Variants in DNAH2 observed in about 807,000 individuals in gnomAD.
DNAH2 encodes the protein axonemal beta dynein heavy chain 2.
In DNAH2, 323 loss-of-function variants were observed where a neutral mutation model predicts 523.5. That is an observed-to-expected ratio of 0.62 (90% confidence interval 0.56 to 0.68). DNAH2 has a LOEUF of 0.68. Ranked by LOEUF, DNAH2 falls within the 30% of genes least tolerant of loss-of-function variation. DNAH2 has a pLI of 0.00. For synonymous variants in DNAH2, 2,093 were observed against 2,177.4 expected (o/e 0.96, Z 1.08); for missense variants, 4,907 against 5,701.5 (o/e 0.86, Z 4.49).
intron 6 of DNAH2, 67 bp downstream of exon 6, chr17:7,734,360 G>A (rs1231833151): frequency 3.7e-6 from 6 of 1,601,624 alleles, no homozygotes; most frequent in African/African-American, 1.3e-5. Context: ...AGGCTCGGAT[G>A]CTGACAATGG....
At chr17:7,779,097 C>A in intron 35 of DNAH2, 146 bp from the exon 36 acceptor site, 1 of 841,812 alleles carries the variant, frequency 1.2e-6, no homozygotes, top group Non-Finnish European at 1.8e-6. Context: ...GAAGCTACAA[C>A]AGTGTACTCT....
At chr17:7,816,841 G>A in intron 64 of DNAH2, 106 bp downstream of exon 64, 2 of 1,419,456 alleles carry the variant, frequency 1.4e-6, no homozygotes, top group Non-Finnish European at 9.5e-7. Flanking sequence ...GGACACCTGG[G>A]TATAGGGAAC....
rs894562866 is a variant in DNAH2 at position 7,804,522 on chromosome 17, G to A, written c.9183+56G>A. ...CACTCCCACCAGTGCCGGCTACTGCGTCAGGGAACCCATGTTCCCCCCTTC... is the reference window on the plus strand; with the variant it reads ...CACTCCCACCAGTGCCGGCTACTGCATCAGGGAACCCATGTTCCCCCCTTC... On this transcript the variant is annotated intron_variant, in intron 59 of 85. Coordinates refer to ENST00000572933, the MANE Select transcript of DNAH2 (RefSeq NM_020877.5). The A allele has an allele frequency of 1.3e-5, 21 of 1,578,442 alleles. No homozygotes were observed. In the Admixed American group the frequency reaches 1.4e-4, roughly 11 times the overall value.
chr17:7,729,346 A>G (rs1337643306), intron 4 of DNAH2, among the ~76,000 whole-genome samples: 1 of 151,662 alleles, frequency 6.6e-6, no homozygotes, highest in African/African-American at 2.4e-5. Context: ...AGGAGTTCGA[A>G]TCAATCCTGG....
chr17:7,775,547 C>T (rs551850047), intron 30 of DNAH2, among the ~76,000 whole-genome samples: 12 of 152,086 alleles, frequency 7.9e-5, no homozygotes, highest in Non-Finnish European at 1.2e-4. Context: ...TAGGTGGGCG[C>T]GGTGGCGCAT....
At position 7,833,728 on chromosome 17, in the gene DNAH2, C is replaced by T. The variant is rs1009305812; in HGVS notation, c.*195C>T. The T allele has an allele frequency of 3.9e-6, 3 of 761,156 alleles. No homozygotes were observed. The African/African-American group carries it at 5.1e-5, about 13-fold the overall frequency. 47.2% of individuals were successfully genotyped at this position (761,156 alleles called of 1,614,324 possible). On this transcript the variant is annotated 3_prime_UTR_variant, in exon 86 of 86. Coordinates refer to ENST00000572933, the MANE Select transcript of DNAH2 (RefSeq NM_020877.5). Reference sequence around the variant, plus strand: ...TGTATTGGAGCTCAGTGCTGTAAAACACCCGCGACAACAAGCCTTAAGTCT... The same window carrying T: ...TGTATTGGAGCTCAGTGCTGTAAAATACCCGCGACAACAAGCCTTAAGTCT...
chr17:7,754,964 CAG>C lies in DNAH2; in HGVS notation c.1905-2125_1905-2124del. 1 of 314,630 alleles carries C rather than the reference CAG, an allele frequency of 3.2e-6. No homozygotes were observed. The highest frequency in any genetic ancestry group is 5.6e-6 in the Non-Finnish European group (1 of 179,048). The allele number at this position is 314,630 out of a possible 1,614,324, so 19.5% of individuals were successfully genotyped here. On this transcript the variant is annotated intron_variant, in intron 12 of 85. Coordinates refer to ENST00000572933, the MANE Select transcript of DNAH2 (RefSeq NM_020877.5). This position sits in a 1 kb window ranked among gnomAD's most constrained non-coding sequence, Gnocchi z 4.6. ...GCTATTGGTACAAATAAGCCTGAGG[CAG>C]AAAAAAAAAAAAAAAGAATAGGCAG...
chr17:7,765,681 G>A, intron 21 of DNAH2, 116 bp downstream of exon 21: 2 of 1,243,972 alleles, frequency 1.6e-6, no homozygotes, highest in Non-Finnish European at 2.2e-6. Context: ...CGGTGCTGGG[G>A]TGGGGGAAGA....
chr17:7,827,954 G>A lies in DNAH2; in HGVS notation c.11854-2346G>A, dbSNP rs954369214. 2.8e-5 allele frequency among the ~76,000 whole-genome samples: 4 copies of A among 143,252 alleles called. No homozygotes were observed. In the Admixed American group the frequency reaches 2.8e-4, roughly 10 times the overall value. The allele number at this position is 143,252 out of a possible 152,430, so 94.0% of individuals were successfully genotyped here. On this transcript the variant is annotated intron_variant, in intron 77 of 85. Coordinates refer to ENST00000572933, the MANE Select transcript of DNAH2 (RefSeq NM_020877.5). ...CTTTGTTTGTTTGTTTGTTTGTTTG[G>A]GATGGAGTCTCACTCTGTGGCCCAG...
Position 7,807,155 on chromosome 17 carries a change from C to T in DNAH2, c.9448C>T (p.Gln3150Ter), listed in dbSNP as rs1275888549. The T allele has an allele frequency of 1.2e-6, 2 of 1,605,836 alleles. No homozygotes were observed. Among genetic ancestry groups the T allele is most frequent in the Admixed American group, 1.7e-5 (1 of 60,002 alleles). Residue 3150 changes from glutamine (Q) to a stop codon, truncating the protein, a stop_gained, in exon 62 of 86, where the codon CAG (glutamine) becomes TAG (stop). Transcript: ENST00000572933. LOFTEE classifies it high-confidence loss of function. This position sits in a 1 kb window ranked among gnomAD's most constrained non-coding sequence, Gnocchi z 5.6. ...CCCTAATTTTCATCCCACAGGGGAA[C>T]AGAACTTCATCAAGTCACTGATCAA... ...WAEAKRQLGE[Q>*]NFIKSLINFD...
At chr17:7,739,014 G>T in intron 8 of DNAH2, 1 of 702,640 alleles carries the variant, frequency 1.4e-6, no homozygotes, top group Non-Finnish European at 2.6e-6. Flanking sequence ...ACCTTATTGA[G>T]GTGGGAAGAC....
At chr17:7,770,435 A>T (rs1207483146) in intron 25 of DNAH2, 27 bp downstream of exon 25, 1 of 1,611,526 alleles carries the variant, frequency 6.2e-7, no homozygotes, top group Non-Finnish European at 8.5e-7. Flanking sequence ...CCATGCTCCC[A>T]CACCTCCTGC....
At chr17:7,804,882 C>A in intron 59 of DNAH2, 76 bp from the exon 60 acceptor site, 4 of 1,267,094 alleles carry the variant, frequency 3.2e-6, no homozygotes, top group South Asian at 1.3e-5. Flanking sequence ...TCTCTTTCAT[C>A]TTTTCCACCA....
At chr17:7,769,943 G>A (rs776679107) in intron 24 of DNAH2, among the ~76,000 whole-genome samples, 18 of 152,124 alleles carry the variant, frequency 1.2e-4, no homozygotes, top group Admixed American at 2.6e-4. Context: ...TAGAGTAGCC[G>A]TGAGAATGAT....
At chr17:7,783,702 G>T (rs1229401152) in intron 39 of DNAH2, among the ~76,000 whole-genome samples, 1 of 151,746 alleles carries the variant, frequency 6.6e-6, no homozygotes, top group East Asian at 1.9e-4. Context: ...GAGGGCTGAG[G>T]CAGGAGGATT....
At chr17:7,753,884 G>T (rs2075761155) in intron 12 of DNAH2, among the ~76,000 whole-genome samples, 1 of 152,094 alleles carries the variant, frequency 6.6e-6, no homozygotes, top group Non-Finnish European at 1.5e-5. Context: ...GGAGGCAGAG[G>T]TTGCAGTGAG....
chr17:7,802,163 C>T (rs917958575), intron 58 of DNAH2, 146 bp downstream of exon 58: 28 of 1,131,810 alleles, frequency 2.5e-5, no homozygotes, highest in Admixed American at 4.7e-5. Context: ...TGGGGCTTCC[C>T]GTGGGAGGGG....
chr17:7,750,721 T>C (rs2075659016), intron 12 of DNAH2, among the ~76,000 whole-genome samples: 1 of 152,200 alleles, frequency 6.6e-6, no homozygotes, highest in South Asian at 2.1e-4. Context: ...GAAGATATTT[T>C]AGCAGTTTTA....
rs2077226382 is a variant in DNAH2 at position 7,801,688 on chromosome 17, T to C, written c.8810T>C (p.Val2937Ala). 6.2e-7 allele frequency: 1 copy of C among 1,613,730 alleles called. No individual in the cohort carries two copies. The highest frequency in any genetic ancestry group is 2.2e-5 in the East Asian group (1 of 44,848). Residue 2937 changes from valine (V) to alanine (A), a missense_variant, in exon 57 of 86, where the codon GTA becomes GCA. Coordinates refer to ENST00000572933, the MANE Select transcript of DNAH2 (RefSeq NM_020877.5). ...LEVAEKCLIG[V>A]DLGTQENIHR... ...GTGGCTGAGAAGTGCCTCATAGGAG[T>C]AGACCTGGGAACTCAGGAGAATGTG...
Sources: allele counts gnomAD v4.1 joint callset (sites outside exome capture counted in the v4.1 genomes callset), GRCh38; gene constraint gnomAD v4.1.1; non-coding constraint Gnocchi (gnomAD v3.1); transcripts MANE v1.5; gene names NCBI Gene and HGNC (gene_info 2026-07-23, HGNC 2026-07-21).